Variants in DNAAF5 observed in about 807,000 individuals in gnomAD.
The protein encoded by DNAAF5 is HEAT repeat containing 2.
In DNAAF5, 64 loss-of-function variants were observed where a neutral mutation model predicts 75.8. The observed-to-expected ratio is 0.84, with a 90% CI of 0.69 to 1.04. DNAAF5 has a LOEUF of 1.04. Ranked by LOEUF, DNAAF5 falls within the 50% of genes least tolerant of loss-of-function variation. The pLI, the probability that DNAAF5 is intolerant of heterozygous loss-of-function variation, is 0.00. For synonymous variants in DNAAF5, 657 were observed against 557.2 expected, an observed-to-expected ratio of 1.18 and a Z score of -2.52; for missense variants, 1,269 against 1,178.5, an observed-to-expected ratio of 1.08 and a Z score of -1.12.
intron 4 of DNAAF5, among the ~76,000 whole-genome samples, chr7:746,671 T>A (rs551048975): frequency 8.4e-4 from 128 of 151,684 alleles, no homozygotes; most frequent in African/African-American, 3.0e-3. Context: ...GTGACGTCCT[T>A]ACCATCCTGC....
intron 4 of DNAAF5, among the ~76,000 whole-genome samples, chr7:746,860 G>A (rs115461555): frequency 1.4e-3 from 216 of 152,332 alleles, no homozygotes; most frequent in African/African-American, 4.9e-3. Flanking sequence ...TGTGGGCTGC[G>A]TCCTGTGTGT....
intron 6 of DNAAF5, among the ~76,000 whole-genome samples, chr7:757,470 A>G (rs1281961038): frequency 6.6e-6 from 1 of 151,410 alleles, no homozygotes; most frequent in Non-Finnish European, 1.5e-5. Flanking sequence ...ACCTGCACAG[A>G]TCGCACGTCC....
In DNAAF5 at chr7:754,581, C is replaced by T. The variant is rs200949904; in HGVS notation, c.1025-8C>T. 1.5e-5 allele frequency: 24 copies of T among 1,597,502 alleles called. No homozygotes were observed. Among genetic ancestry groups the T allele is most frequent in the Admixed American group, 7.0e-5 (4 of 56,890 alleles). On this transcript the variant is annotated splice_polypyrimidine_tract_variant and splice_region_variant and intron_variant, in intron 4 of 12. Transcript: ENST00000297440. This position sits in a 1 kb window ranked among gnomAD's most constrained non-coding sequence, Gnocchi z 4.8. ...ATTTCTCATTCTTCTTTCCCTTTTT[C>T]GTTCCAGAGCGCCGCCCTGTGCTGG... is the stretch of plus-strand genomic sequence containing the variant.
chr7:761,719 A>G (rs769138451), intron 6 of DNAAF5, 34 bp from the exon 7 acceptor site: 83 of 1,571,774 alleles, frequency 5.3e-5, no homozygotes, highest in Admixed American at 1.1e-4. Flanking sequence ...ACCAAATTGT[A>G]CCAAGCTCTG....
chr7:746,475 A>G (rs528709898), intron 4 of DNAAF5, among the ~76,000 whole-genome samples: 21 of 56,200 alleles, frequency 3.7e-4, no homozygotes, highest in South Asian at 1.6e-3. Flanking sequence ...GCTGCCCCCC[A>G]CCCAACATGC....
intron 2 of DNAAF5, among the ~76,000 whole-genome samples, chr7:739,468 G>C (rs959368791): frequency 6.6e-6 from 1 of 152,196 alleles, no homozygotes; most frequent in African/African-American, 2.4e-5. Context: ...GCTGATTTGG[G>C]TTTCTCTTAG....
Position 753,522 on chromosome 7 carries a change from C to G in DNAAF5, c.1025-1067C>G, listed in dbSNP as rs375867689. On this transcript the variant is annotated intron_variant, in intron 4 of 12. Transcript: ENST00000297440. ...GCTGTCACCCCCACCATGCCGATGGCTTCGCAGCCGTGTCTCTCATATGGC... is the reference window on the plus strand; with the variant it reads ...GCTGTCACCCCCACCATGCCGATGGGTTCGCAGCCGTGTCTCTCATATGGC... 1.3e-5 allele frequency among the ~76,000 whole-genome samples: 2 copies of G among 152,256 alleles called. 1 individual carries two copies. The highest frequency in any genetic ancestry group is 3.8e-4 in the East Asian group (2 of 5,200).
intron 2 of DNAAF5, among the ~76,000 whole-genome samples, chr7:738,931 A>G (rs1781816478): frequency 6.6e-6 from 1 of 152,230 alleles, no homozygotes; most frequent in Non-Finnish European, 1.5e-5. Flanking sequence ...GAAAGCAGCG[A>G]GGCCAAACCC....
At chr7:781,891 C>T (rs114590296) in intron 12 of DNAAF5, among the ~76,000 whole-genome samples, 4 of 152,228 alleles carry the variant, frequency 2.6e-5, no homozygotes, top group African/African-American at 9.6e-5. Context: ...AGTGATTAAT[C>T]CTTGTCAGGC....
chr7:768,813 C>T (rs1778446030), intron 8 of DNAAF5: 1 of 276,014 alleles, frequency 3.6e-6, no homozygotes, highest in African/African-American at 2.1e-5. Flanking sequence ...GGACATTTGG[C>T]TGTTTTCTTT....
chr7:755,906 C>T (rs1463035993), intron 5 of DNAAF5, among the ~76,000 whole-genome samples: 4 of 152,114 alleles, frequency 2.6e-5, no homozygotes, highest in African/African-American at 7.2e-5. Context: ...GCTGAGAGGA[C>T]GAGAGACGTG....
intron 4 of DNAAF5, among the ~76,000 whole-genome samples, chr7:747,183 A>G (rs1371230261): frequency 1.3e-5 from 2 of 152,232 alleles, no homozygotes; most frequent in East Asian, 3.8e-4. Context: ...ACTTTGTTAG[A>G]AACTCACCAC....
Position 726,786 on chromosome 7 carries a change from T to C in DNAAF5, c.66T>C (p.Ala22=). The change falls in exon 1 of 13, where the codon GCT becomes GCC. Residue 22 remains alanine, a synonymous_variant. Transcript: ENST00000297440. ...APHPAEGAET[A]EAVELSRALS... ...ACCCGGCTGAGGGGGCCGAGACGGC[T>C]GAGGCGGTGGAGCTGAGCCGCGCCC... 7.8e-7 allele frequency: 1 copy of C among 1,281,092 alleles called. No homozygotes were observed. Among genetic ancestry groups the C allele is most frequent in the South Asian group, 2.6e-5 (1 of 38,348 alleles). 79.4% of individuals were successfully genotyped at this position (1,281,092 alleles called of 1,614,324 possible).
At chr7:777,115 G>A (rs1296872882) in intron 11 of DNAAF5, among the ~76,000 whole-genome samples, 1 of 152,156 alleles carries the variant, frequency 6.6e-6, no homozygotes, top group African/African-American at 2.4e-5. Flanking sequence ...GATTCTACAG[G>A]ATGATGAGTT....
chr7:730,859 TG>T (rs2128069545), intron 2 of DNAAF5, among the ~76,000 whole-genome samples: 1 of 152,300 alleles, frequency 6.6e-6, no homozygotes, highest in East Asian at 1.9e-4. Flanking sequence ...CCATGTACGC[TG>T]GCCGGCCCCT....
Position 754,729 on chromosome 7 carries a change from C to T in DNAAF5, c.1165C>T (p.His389Tyr). 1 of 1,613,816 alleles carries T rather than the reference C, an allele frequency of 6.2e-7. No homozygotes were observed. Residue 389 changes from histidine (H) to tyrosine (Y), a missense_variant, in exon 5 of 13, where the codon CAT becomes TAT. By Grantham distance (83) the His-to-Tyr change is moderately conservative. Transcript: ENST00000297440. The surrounding 1 kb of genome is among the most constrained non-coding windows in gnomAD (Gnocchi z 4.8). ...SAQLLPVLLL[H>Y]AEDHATQHLE... ...ACAGCTGCTCCCAGTGCTGCTGCTG[C>T]ATGCCGAGGACCACGCCACGCAGCA...
At chr7:762,002 C>CCCAGGCCTCAAACATGTCTGACT in intron 7 of DNAAF5, 106 bp downstream of exon 7, 1 of 1,151,136 alleles carries the variant, frequency 8.7e-7, no homozygotes, top group Non-Finnish European at 1.2e-6. Context: ...TGTGCTTGAC[C>CCCAGGCCTCAAACATGTCTGACT]AGCAAAGACC....
intron 12 of DNAAF5, among the ~76,000 whole-genome samples, chr7:782,575 G>T (rs113918963): frequency 6.8e-6 from 1 of 147,056 alleles, no homozygotes; most frequent in Admixed American, 6.7e-5. Flanking sequence ...TCAGAAACTC[G>T]GATCTTCCCG....
At chr7:770,329 T>C (rs1778511466) in intron 8 of DNAAF5, 142 bp from the exon 9 acceptor site, 1 of 674,630 alleles carries the variant, frequency 1.5e-6, no homozygotes, top group South Asian at 2.1e-5. Context: ...ATCACCTTAC[T>C]GATTGAGAAA....
Sources: allele counts gnomAD v4.1 joint callset (sites outside exome capture counted in the v4.1 genomes callset), GRCh38; gene constraint gnomAD v4.1.1; non-coding constraint Gnocchi (gnomAD v3.1); transcripts MANE v1.5; gene names NCBI Gene and HGNC (gene_info 2026-07-23, HGNC 2026-07-21).